RELL1: variants seen among roughly 807,000 people sequenced by gnomAD.
RELL1 encodes RELT like 1, also known as RELT-like protein 1.
Under a neutral mutation model 23.0 loss-of-function variants are expected in RELL1, and 10 were observed. The observed-to-expected ratio is 0.43, with a 90% CI of 0.27 to 0.74. RELL1 has a LOEUF of 0.74. Among genes scored for constraint, RELL1 ranks in the 30% least tolerant of loss-of-function variants. The probability of loss-of-function intolerance (pLI) is 0.19; values close to 1 mark genes in which losing one functional copy is unlikely to be tolerated. For synonymous variants in RELL1, 146 were observed against 146.8 expected (o/e 0.99, Z 0.04); for missense variants, 315 against 364.4 (o/e 0.86, Z 1.10).
intron 1 of RELL1, among the ~76,000 whole-genome samples, chr4:37,662,463 G>C (rs1721388096): frequency 6.6e-6 from 1 of 151,840 alleles, no homozygotes; most frequent in South Asian, 2.1e-4. Flanking sequence ...GACAAAAAGG[G>C]AACAGGACAC....
intron 6 of RELL1, among the ~76,000 whole-genome samples, chr4:37,618,789 C>G (rs942071539): frequency 6.6e-6 from 1 of 152,200 alleles, no homozygotes; most frequent in African/African-American, 2.4e-5. Flanking sequence ...AGGTCTAGAC[C>G]ATTGTAGCCT....
chr4:37,622,821 T>TTTTTG, intron 6 of RELL1: 1 of 444,642 alleles, frequency 2.2e-6, no homozygotes, highest in African/African-American at 2.1e-5. Context: ...TTTTTTTTTC[T>TTTTTG]GAGACAGAGT....
At chr4:37,667,451 T>A (rs1721576575) in intron 1 of RELL1, among the ~76,000 whole-genome samples, 1 of 148,792 alleles carries the variant, frequency 6.7e-6, no homozygotes, top group South Asian at 2.3e-4. Flanking sequence ...CCAGGCAGCC[T>A]GGCTCCAGAA....
chr4:37,594,935 C>T (rs1263919584), intron 6 of RELL1, among the ~76,000 whole-genome samples: 1 of 152,230 alleles, frequency 6.6e-6, no homozygotes, highest in Non-Finnish European at 1.5e-5. Context: ...ACAGTCACTA[C>T]TGCAGCACAG....
intron 6 of RELL1, among the ~76,000 whole-genome samples, chr4:37,625,024 G>A (rs899198597): frequency 1.3e-5 from 2 of 152,130 alleles, no homozygotes; most frequent in East Asian, 1.9e-4. Context: ...GTCCAGCAAC[G>A]ATCTCATTTT....
chr4:37,594,975 T>C (rs1424750945), intron 6 of RELL1, among the ~76,000 whole-genome samples: 1 of 152,242 alleles, frequency 6.6e-6, no homozygotes, highest in African/African-American at 2.4e-5. Flanking sequence ...GACTTGGACT[T>C]AACTCTTCAT....
At chr4:37,595,182 C>T (rs1386869621) in intron 6 of RELL1, among the ~76,000 whole-genome samples, 1 of 152,104 alleles carries the variant, frequency 6.6e-6, no homozygotes, top group Non-Finnish European at 1.5e-5. Flanking sequence ...ACTAATAGAA[C>T]AATAAGTCAT....
rs943441752 is a variant in RELL1, at chr4:37,612,038, G to A, written c.*1308C>T. Among the ~76,000 whole-genome samples, 2 of 151,932 alleles carry A rather than the reference G, an allele frequency of 1.3e-5. No homozygotes were observed. Among genetic ancestry groups the A allele is most frequent in the South Asian group, 2.1e-4 (1 of 4,820 alleles). ...AAAATACAAAAAAAATAAGCCAAGCGTGGTGGTGGGCACCTGTAGTCCCAG... is the reference window on the plus strand; with the variant it reads ...AAAATACAAAAAAAATAAGCCAAGCATGGTGGTGGGCACCTGTAGTCCCAG... On this transcript the variant is annotated 3_prime_UTR_variant, in exon 7 of 7. Transcript: ENST00000454158.
chr4:37,596,662 A>G (rs546088508), intron 6 of RELL1, among the ~76,000 whole-genome samples: 1 of 140,512 alleles, frequency 7.1e-6, no homozygotes, highest in Non-Finnish European at 1.5e-5. Flanking sequence ...TAGAAGATCA[A>G]ATGAACTAGT....
intron 6 of RELL1, among the ~76,000 whole-genome samples, chr4:37,613,594 C>G (rs1488987271): frequency 2.0e-5 from 3 of 152,130 alleles, no homozygotes; most frequent in African/African-American, 4.8e-5. Context: ...GCCCCTCCCC[C>G]TTTCTCTCTC....
chr4:37,663,696 A>T (rs987085909), intron 1 of RELL1, among the ~76,000 whole-genome samples: 3 of 152,170 alleles, frequency 2.0e-5, no homozygotes, highest in Non-Finnish European at 4.4e-5. Flanking sequence ...GGAGGACAGG[A>T]TCCAACCCAG....
At chr4:37,665,366 A>T (rs1721498347) in intron 1 of RELL1, 2 of 450,208 alleles carry the variant, frequency 4.4e-6, no homozygotes, top group South Asian at 3.2e-5. Context: ...AAATCAACAG[A>T]AGTTTCCAGT....
At chr4:37,658,777 T>C (rs1330591776) in intron 1 of RELL1, among the ~76,000 whole-genome samples, 1 of 152,280 alleles carries the variant, frequency 6.6e-6, no homozygotes, top group Non-Finnish European at 1.5e-5. Context: ...AAATGCTAAA[T>C]GATGGCCTAT....
At chr4:37,670,862 G>T (rs189483762) in intron 1 of RELL1, among the ~76,000 whole-genome samples, 1 of 152,200 alleles carries the variant, frequency 6.6e-6, no homozygotes, top group Non-Finnish European at 1.5e-5. Context: ...ATGAGCCACC[G>T]CACCCGGCCG....
chr4:37,686,247 G>T lies in RELL1; in HGVS notation c.41C>A (p.Ala14Asp), dbSNP rs1364133737. ...CACGGCGCCTCCCACGAAGACAGCAGCGGCTAGGACGGCGGACCCCGGGAG... is the reference window on the plus strand; with the variant it reads ...CACGGCGCCTCCCACGAAGACAGCATCGGCTAGGACGGCGGACCCCGGGAG... The part of the protein sequence containing the change: ...RALPGSAVLA[A>D]AVFVGGAVSS... Residue 14 changes from alanine (A) to aspartate (D), a missense_variant, in exon 1 of 7, where the codon GCT (alanine) becomes GAT (aspartate). Physicochemically the swap from Ala to Asp is moderately radical, Grantham distance 126 (BLOSUM62 -2). Transcript: ENST00000454158. 7 of 1,578,946 alleles carry T rather than the reference G, an allele frequency of 4.4e-6. No homozygotes were observed. The highest frequency in any genetic ancestry group is 6.0e-6 in the Non-Finnish European group (7 of 1,170,774).
intron 1 of RELL1, among the ~76,000 whole-genome samples, chr4:37,668,396 T>G (rs1177081437): frequency 8.5e-5 from 13 of 152,186 alleles, no homozygotes; most frequent in Admixed American, 8.5e-4. Context: ...TCGTATTTTT[T>G]GGGTGGAGAC....
chr4:37,587,308 AT>A (rs1294485299), downstream of RELL1, among the ~76,000 whole-genome samples: 2 of 152,156 alleles, frequency 1.3e-5, no homozygotes, highest in African/African-American at 2.4e-5. Context: ...AATACCTTTA[AT>A]TTGGGGGCTG....
At chr4:37,622,898 G>A (rs532861785) in intron 6 of RELL1, 69 of 441,538 alleles carry the variant, frequency 1.6e-4, no homozygotes, top group Middle Eastern at 7.4e-4. Flanking sequence ...TCTGCCTCCC[G>A]GGTTCAACTG....
chr4:37,628,436 G>A (rs756775601), intron 6 of RELL1, among the ~76,000 whole-genome samples: 2 of 152,034 alleles, frequency 1.3e-5, no homozygotes, highest in Non-Finnish European at 2.9e-5. Flanking sequence ...GCATGCCCAA[G>A]TACAGAATAC....
Sources: gnomAD v4.1 joint callset for allele counts (sites outside exome capture counted in the v4.1 genomes callset) on GRCh38, gnomAD v4.1.1 for gene constraint, MANE v1.5 for transcripts, NCBI Gene and HGNC (gene_info 2026-07-23, HGNC 2026-07-21) for gene names.